The following SEC24C variants were observed in gnomAD, a reference collection of about 807,000 sequenced individuals.
The protein encoded by SEC24C is SEC24 homolog C, COPII component, also known as protein transport protein Sec24C.
A neutral mutation model predicts 117.0 loss-of-function variants in SEC24C; 22 were observed. The observed-to-expected ratio is 0.19, with a 90% CI of 0.13 to 0.27. The LOEUF is 0.27. Among genes scored for constraint, SEC24C ranks in the 10% least tolerant of loss-of-function variants. SEC24C has a pLI of 1.00. For missense variants in SEC24C, 1,155 were observed against 1,375.1 expected, an observed-to-expected ratio of 0.84 and a Z score of 2.53; for synonymous variants, 506 against 529.4, an observed-to-expected ratio of 0.96 and a Z score of 0.61.
rs2082880752 is a variant in SEC24C, at chr10:73,766,193, G to A, written c.1590G>A (p.Leu530=). The change falls in exon 11 of 23, where the codon CTG becomes CTA. Residue 530 remains leucine, a synonymous_variant. Coordinates refer to ENST00000345254, the MANE Select transcript of SEC24C (RefSeq NM_198597.3). ...VRLLCEELKS[L]LDFLPREGGA... is the part of the protein sequence containing the mutation. The stretch of plus-strand genomic sequence containing the variant: ...TCCTCTGTGAGGAGCTCAAGTCACT[G>A]TTAGACTTTCTACCTAGGTGAGAGT... The A allele has an allele frequency of 1.9e-6, 3 of 1,612,652 alleles. No individual in the cohort carries two copies. The highest frequency in any genetic ancestry group is 1.1e-5 in the South Asian group (1 of 90,872).
At chr10:73,760,979 C>G in intron 6 of SEC24C, 130 bp downstream of exon 6, 1 of 1,099,192 alleles carries the variant, frequency 9.1e-7, no homozygotes, top group Admixed American at 2.9e-5. Context: ...GGAGAACTTA[C>G]ATATAATTTG....
In SEC24C at chr10:73,771,034, G is replaced by A; in HGVS notation, c.3224G>A (p.Gly1075Glu). 1 of 1,614,200 alleles carries A rather than the reference G, an allele frequency of 6.2e-7. No homozygotes were observed. The highest frequency in any genetic ancestry group is 8.5e-7 in the Non-Finnish European group (1 of 1,180,040). ...FLVEDKSLSG[G>E]ASYVDFLCHM... Reference sequence around the variant, plus strand: ...GTGGAAGACAAGAGTCTGAGTGGGGGAGCATCTTATGTGGACTTTCTCTGT... The same window carrying A: ...GTGGAAGACAAGAGTCTGAGTGGGGAAGCATCTTATGTGGACTTTCTCTGT... The change falls in exon 23 of 23, where the codon GGA becomes GAA. Residue 1075 changes from glycine to glutamate, a missense_variant. Gly to Glu is a moderately conservative substitution (Grantham distance 98). Around this residue, in one of 2 missense-constraint regions of SEC24C, gnomAD observed 759 missense variants for 992.3 expected, o/e 0.76. Coordinates refer to ENST00000345254, the MANE Select transcript of SEC24C (RefSeq NM_198597.3).
intron 4 of SEC24C, 33 bp downstream of exon 4, chr10:73,759,827 C>T (rs754727193): frequency 6.5e-7 from 1 of 1,528,668 alleles, no homozygotes. Flanking sequence ...ATGTTACTGT[C>T]CCCTGTTCAG....
At chr10:73,758,094 G>T (rs1010700372) in intron 3 of SEC24C, among the ~76,000 whole-genome samples, 6 of 151,976 alleles carry the variant, frequency 3.9e-5, no homozygotes, top group African/African-American at 1.5e-4. Flanking sequence ...AATTAGCCAG[G>T]CATGATGGTG....
chr10:73,753,058 C>CT (rs201071310), intron 3 of SEC24C, among the ~76,000 whole-genome samples: 13 of 151,078 alleles, frequency 8.6e-5, no homozygotes, highest in East Asian at 5.8e-4. Context: ...CTTTCTTTTT[C>CT]TTTTTTTTTG....
intron 20 of SEC24C, 88 bp downstream of exon 20, chr10:73,770,103 C>G (rs1468360325): frequency 1.5e-6 from 2 of 1,336,554 alleles, no homozygotes; most frequent in African/African-American, 2.9e-5. Flanking sequence ...CAGTCAGACA[C>G]TAGTGGAATT....
chr10:73,757,920 CAAAAAAAAAAAA>C (rs61625607), intron 3 of SEC24C, among the ~76,000 whole-genome samples: 10 of 38,894 alleles, frequency 2.6e-4, no homozygotes, highest in South Asian at 1.7e-3. Context: ...GACCCTGTCT[CAAAAAAAAAAAA>C]AAAAAAAAAA....
intron 7 of SEC24C, 24 bp from the exon 8 acceptor site, chr10:73,763,832 C>G: frequency 1.2e-6 from 2 of 1,610,064 alleles, no homozygotes; most frequent in Non-Finnish European, 1.7e-6. Flanking sequence ...TGATCTGACT[C>G]GGGTCTTCTG....
intron 3 of SEC24C, among the ~76,000 whole-genome samples, chr10:73,755,067 A>T (rs1368825951): frequency 6.6e-6 from 1 of 151,996 alleles, no homozygotes; most frequent in Non-Finnish European, 1.5e-5. Flanking sequence ...CAAGAGGCGG[A>T]GGTTGCAGTG....
Position 73,760,345 on chromosome 10 carries a change from T to C in SEC24C, c.809T>C (p.Met270Thr), listed in dbSNP as rs149284237. 3.1e-6 allele frequency: 5 copies of C among 1,608,250 alleles called. No homozygotes were observed. The African/African-American group carries it at 6.7e-5, about 21-fold the overall frequency. ...GGGCCCCTGGGACCACTGCCACCTATGCACTCCCCGCAGCAGCCAGGCTAT... is the reference window on the plus strand; with the variant it reads ...GGGCCCCTGGGACCACTGCCACCTACGCACTCCCCGCAGCAGCCAGGCTAT... ...MTGPLGPLPPMHSPQQPGYQP... is the reference protein window; with the variant it reads ...MTGPLGPLPPTHSPQQPGYQP... Residue 270 changes from methionine to threonine, a missense_variant, in exon 5 of 23, where the codon ATG (methionine) becomes ACG (threonine). Coordinates refer to ENST00000345254, the MANE Select transcript of SEC24C (RefSeq NM_198597.3).
chr10:73,769,494 A>C lies in SEC24C; in HGVS notation c.2563+9A>C. On this transcript the variant is annotated intron_variant, in intron 18 of 22. Transcript: ENST00000345254. This position sits in a 1 kb window ranked among gnomAD's most constrained non-coding sequence, Gnocchi z 4.5. ...CTACATGGCCAAGTTTGGTGAGGGTAGAAGCAGGGCAGGGTGGGATTGGGG... is the reference window on the plus strand; with the variant it reads ...CTACATGGCCAAGTTTGGTGAGGGTCGAAGCAGGGCAGGGTGGGATTGGGG... The C allele has an allele frequency of 6.2e-7, 1 of 1,614,164 alleles. No homozygotes were observed. The highest frequency in any genetic ancestry group is 8.5e-7 in the Non-Finnish European group (1 of 1,180,004).
rs774177202 is a variant in SEC24C at position 73,747,655 on chromosome 10, A to ATTT, written c.172+670_172+672dup. Among the ~76,000 whole-genome samples, 235 of 83,994 alleles carry ATTT rather than the reference A, an allele frequency of 2.8e-3. 2 individuals are homozygous for ATTT. The highest frequency in any genetic ancestry group is 0.01 in the South Asian group (29 of 2,812). 55.1% of individuals were successfully genotyped at this position (83,994 alleles called of 152,430 possible). On this transcript the variant is annotated intron_variant, in intron 2 of 22. Coordinates refer to ENST00000345254, the MANE Select transcript of SEC24C (RefSeq NM_198597.3). ...GCGTGAGCTACCGTGCCTGGCCTGT[A>ATTT]TTTTTTTTTTTTTTTTTTTTTGAGA... is the stretch of plus-strand genomic sequence containing the variant.
In SEC24C at chr10:73,747,178, TTTA is replaced by T. The variant is rs1209318657; in HGVS notation, c.172+183_172+185del. ...CGTGGGCGCCCTTCCCTTCCCTTTT[TTTA>T]TTATTATTTTAATTTTTTTTTGAGA... On this transcript the variant is annotated intron_variant, in intron 2 of 22. Coordinates refer to ENST00000345254, the MANE Select transcript of SEC24C (RefSeq NM_198597.3). 8.5e-5 allele frequency among the ~76,000 whole-genome samples: 13 copies of T among 152,256 alleles called. No homozygotes were observed. In the South Asian group the frequency reaches 1.0e-3, roughly 12 times the overall value.
intron 3 of SEC24C, chr10:73,751,743 C>T (rs2082645693): frequency 1.3e-5 from 2 of 152,142 alleles, no homozygotes; most frequent in Non-Finnish European, 2.9e-5. Flanking sequence ...ACGTCCAGCC[C>T]TGTGGATTAT....
intron 4 of SEC24C, 49 bp downstream of exon 4, chr10:73,759,843 T>G: frequency 6.7e-7 from 1 of 1,497,942 alleles, no homozygotes; most frequent in Admixed American, 2.2e-5. Flanking sequence ...TTCAGAGGCA[T>G]CAGACTCTGG....
Position 73,769,685 on chromosome 10 carries a change from C to A in SEC24C, c.2634C>A (p.Ile878=), listed in dbSNP as rs748738104. ...CGCTCATCACCCAGTGTGCCCAGAT[C>A]CTGGCCTGTTACAGAAAGAACTGTG... ...RDTLITQCAQ[I]LACYRKNCAS... is the part of the protein sequence containing the mutation. Residue 878 remains isoleucine (I), a synonymous_variant, in exon 19 of 23, where the codon ATC becomes ATA. Transcript: ENST00000345254. The surrounding 1 kb of genome is among the most constrained non-coding windows in gnomAD (Gnocchi z 4.5). 14 of 1,614,174 alleles carry A rather than the reference C, an allele frequency of 8.7e-6. No individual in the cohort carries two copies. The South Asian group carries it at 1.5e-4, about 18-fold the overall frequency.
At chr10:73,766,914 C>T in intron 13 of SEC24C, 61 bp downstream of exon 13, 1 of 1,488,324 alleles carries the variant, frequency 6.7e-7, no homozygotes, top group Non-Finnish European at 9.4e-7. Flanking sequence ...ATCTTATCCC[C>T]TGGGATACAA....
Position 73,770,772 on chromosome 10 carries a change from C to A in SEC24C, c.3118C>A (p.Arg1040=). 1.9e-6 allele frequency: 3 copies of A among 1,614,104 alleles called. No individual in the cohort carries two copies. The highest frequency in any genetic ancestry group is 2.5e-6 in the Non-Finnish European group (3 of 1,179,990). ...KKVRGLIDSL[R]AQRSRYMKLT... ...GGTTCGAGGCCTCATTGATAGCTTA[C>A]GGGCACAGAGATCCCGGTACATGAA... is the stretch of plus-strand genomic sequence containing the variant. The change falls in exon 22 of 23, where the codon CGG becomes AGG. Residue 1040 remains arginine (R), a synonymous_variant. Coordinates refer to ENST00000345254, the MANE Select transcript of SEC24C (RefSeq NM_198597.3).
chr10:73,766,241 A>G (rs3849969), intron 11 of SEC24C, 31 bp downstream of exon 11: 1,091,212 of 1,600,430 alleles, frequency 0.68, 383,279 homozygotes, highest in Middle Eastern at 0.85. Flanking sequence ...GTGTTTCCTG[A>G]GGTTAATGAT....
Sources: gnomAD v4.1 joint callset for allele counts (sites outside exome capture counted in the v4.1 genomes callset) on GRCh38, gnomAD v4.1.1 for gene constraint, gnomAD v4.1.1 regional missense constraint, Gnocchi (gnomAD v3.1) non-coding constraint, MANE v1.5 for transcripts, NCBI Gene and HGNC (gene_info 2026-07-23, HGNC 2026-07-21) for gene names.